Variants in STX6 observed in about 807,000 individuals in gnomAD.
STX6 encodes the protein syntaxin-6.
In STX6, 23 loss-of-function variants were observed where a neutral mutation model predicts 38.0. The ratio of observed to expected loss-of-function variants is 0.60; its 90% CI spans 0.43 to 0.86. The LOEUF is 0.86. Ranked by LOEUF, STX6 falls within the 40% of genes least tolerant of loss-of-function variation. STX6 has a pLI of 0.00. For synonymous variants in STX6, 123 were observed against 107.5 expected (o/e 1.14, Z -0.89); for missense variants, 274 against 312.9 (o/e 0.88, Z 0.94).
chr1:181,013,774 G>A (rs192200481), intron 1 of STX6, among the ~76,000 whole-genome samples: 3 of 152,260 alleles, frequency 2.0e-5, no homozygotes, highest in African/African-American at 7.2e-5. Flanking sequence ...CAATGTCTGG[G>A]ACCTCAGCTG....
chr1:181,015,016 C>A (rs1656515596), intron 1 of STX6, among the ~76,000 whole-genome samples: 1 of 152,102 alleles, frequency 6.6e-6, no homozygotes, highest in Admixed American at 6.5e-5. Flanking sequence ...ACACTATGGC[C>A]CATTATATCT....
At chr1:181,021,488 T>C (rs1338923058) in intron 1 of STX6, among the ~76,000 whole-genome samples, 2 of 152,214 alleles carry the variant, frequency 1.3e-5, no homozygotes, top group Non-Finnish European at 2.9e-5. Context: ...TTAAATTTTC[T>C]ACAACACTTG....
intron 3 of STX6, among the ~76,000 whole-genome samples, chr1:181,001,934 T>C (rs954115906): frequency 1.3e-5 from 2 of 152,180 alleles, no homozygotes; most frequent in African/African-American, 4.8e-5. Context: ...ATCCCAGTAC[T>C]TTGAGAGGCT....
chr1:181,011,214 T>A (rs981714148), intron 1 of STX6, among the ~76,000 whole-genome samples: 14 of 152,374 alleles, frequency 9.2e-5, no homozygotes, highest in African/African-American at 3.4e-4. Flanking sequence ...TATTTTACAT[T>A]TTTAAGATGG....
In STX6 at chr1:181,009,858, G is replaced by A. The variant is rs564803909; in HGVS notation, c.36-4395C>T. ...CCTTCAACTAATGAGTGGATAAACTGTAGTATATATGTATAACAGAATACT... is the reference window on the plus strand; with the variant it reads ...CCTTCAACTAATGAGTGGATAAACTATAGTATATATGTATAACAGAATACT... On this transcript the variant is annotated intron_variant, in intron 1 of 7. Coordinates refer to ENST00000258301, the MANE Select transcript of STX6 (RefSeq NM_005819.6). Among the ~76,000 whole-genome samples, 169 of 150,340 alleles carry A rather than the reference G, an allele frequency of 1.1e-3. 1 individual carries two copies. Among genetic ancestry groups the A allele is most frequent in the African/African-American group, 4.1e-3 (164 of 39,678 alleles).
At chr1:181,002,870 A>T (rs1041406777) in intron 2 of STX6, among the ~76,000 whole-genome samples, 170 bp from the exon 3 acceptor site, 1 of 152,184 alleles carries the variant, frequency 6.6e-6, no homozygotes, top group Admixed American at 6.5e-5. Flanking sequence ...CAGCCACAGG[A>T]GGGAGGATCC....
At chr1:180,987,757 G>GA (rs1417652338) in intron 6 of STX6, 1 of 150,900 alleles carries the variant, frequency 6.6e-6, no homozygotes, top group Non-Finnish European at 1.5e-5. Context: ...TTTCTGAGAG[G>GA]AAAGAGTTTT....
chr1:181,013,293 C>T (rs1224098563), intron 1 of STX6, among the ~76,000 whole-genome samples: 2 of 152,292 alleles, frequency 1.3e-5, no homozygotes, highest in East Asian at 1.9e-4. Flanking sequence ...CAACAAATTG[C>T]GTAAGTGTAG....
At chr1:181,017,606 C>G (rs1178722151) in intron 1 of STX6, among the ~76,000 whole-genome samples, 1 of 152,178 alleles carries the variant, frequency 6.6e-6, no homozygotes, top group African/African-American at 2.4e-5. Flanking sequence ...ATTCTAAAAA[C>G]TTGCCAACAA....
At chr1:181,021,147 GCT>G (rs1656714499) in intron 1 of STX6, among the ~76,000 whole-genome samples, 1 of 152,086 alleles carries the variant, frequency 6.6e-6, no homozygotes, top group Non-Finnish European at 1.5e-5. Context: ...AAGAATTTAG[GCT>G]TTTGACAAAT....
intron 1 of STX6, among the ~76,000 whole-genome samples, chr1:181,011,120 A>G (rs1408635142): frequency 6.6e-6 from 1 of 152,244 alleles, no homozygotes; most frequent in Non-Finnish European, 1.5e-5. Context: ...GGCTTATTCC[A>G]TTCTAAAGCT....
At chr1:180,996,137 C>T (rs949010824) in intron 3 of STX6, among the ~76,000 whole-genome samples, 2 of 152,126 alleles carry the variant, frequency 1.3e-5, no homozygotes, top group Non-Finnish European at 2.9e-5. Flanking sequence ...AAAATATTCA[C>T]TGCCTTGACC....
chr1:181,022,800 G>A lies in STX6; in HGVS notation c.-127C>T, dbSNP rs1400726073. 3 of 933,032 alleles carry A rather than the reference G, an allele frequency of 3.2e-6. No individual in the cohort carries two copies. Among genetic ancestry groups the A allele is most frequent in the East Asian group, 5.3e-5 (2 of 37,860 alleles). 57.8% of individuals were successfully genotyped at this position (933,032 alleles called of 1,614,324 possible). A position where few individuals can be genotyped will look rare whatever the true frequency, so the allele number is the denominator to read the frequency against. ...CTTAGTCTGGGTGAAGCCGAGCAGC[G>A]GGCACGCGCACAGGCCAGGTGCACA... On this transcript the variant is annotated 5_prime_UTR_variant, in exon 1 of 8. Transcript: ENST00000258301.
In STX6 at chr1:181,002,709, A is replaced by G. The variant is rs763297311; in HGVS notation, c.206-9T>C. 7 of 1,593,668 alleles carry G rather than the reference A, an allele frequency of 4.4e-6. No homozygotes were observed. The African/African-American group carries it at 8.1e-5, about 18-fold the overall frequency. ...ATTTGCTTCAACTATGCGTAGGTCA[A>G]AAAGTCAAGGTAAAACAATTTCATC... On this transcript the variant is annotated splice_polypyrimidine_tract_variant and intron_variant, in intron 2 of 7. Coordinates refer to ENST00000258301, the MANE Select transcript of STX6 (RefSeq NM_005819.6).
chr1:180,978,441 A>G (rs1375773941), intron 7 of STX6, among the ~76,000 whole-genome samples: 1 of 152,220 alleles, frequency 6.6e-6, no homozygotes, highest in African/African-American at 2.4e-5. Flanking sequence ...CAAGTCTGAG[A>G]TGAAAAACAA....
Position 181,015,457 on chromosome 1 carries a change from C to T in STX6, c.35+7182G>A, listed in dbSNP as rs190543425. 1.6e-3 allele frequency among the ~76,000 whole-genome samples: 242 copies of T among 152,192 alleles called. 7 individuals carry two copies. The East Asian group carries it at 0.043, about 27-fold the overall frequency. ...ATTTTTGACTCCTCCTCCTCCTTAC[C>T]TTGCACAACCTCTACTTAAATCCAA... On this transcript the variant is annotated intron_variant, in intron 1 of 7. Transcript: ENST00000258301.
intron 1 of STX6, among the ~76,000 whole-genome samples, chr1:181,015,428 A>C (rs73048459): frequency 0.043 from 6,528 of 152,214 alleles, 266 homozygotes; most frequent in African/African-American, 0.11. Context: ...TCTAGACAAG[A>C]GTCATTTTTG....
intron 1 of STX6, among the ~76,000 whole-genome samples, chr1:181,007,044 A>G (rs1017865274): frequency 4.6e-5 from 7 of 151,972 alleles, no homozygotes; most frequent in Non-Finnish European, 8.8e-5. Context: ...TACTTTCTTT[A>G]CTCTTTATGG....
Position 180,989,869 on chromosome 1 carries a change from A to G in STX6, c.489+115T>C, listed in dbSNP as rs1304314698. 4.0e-6 allele frequency: 5 copies of G among 1,258,566 alleles called. No homozygotes were observed. In the Admixed American group the frequency reaches 9.9e-5, roughly 25 times the overall value. 78.0% of individuals were successfully genotyped at this position (1,258,566 alleles called of 1,614,324 possible). On this transcript the variant is annotated intron_variant, in intron 5 of 7. Coordinates refer to ENST00000258301, the MANE Select transcript of STX6 (RefSeq NM_005819.6). ...TTATTAAACACAATCAACACAGGAC[A>G]AGCTCTGGCTTACCCTCCTTGTCAC...
Sources: allele counts gnomAD v4.1 joint callset (sites outside exome capture counted in the v4.1 genomes callset), GRCh38; gene constraint gnomAD v4.1.1; transcripts MANE v1.5; gene names NCBI Gene and HGNC (gene_info 2026-07-23, HGNC 2026-07-21).